The following MACIR variants were observed in gnomAD, a reference collection of about 807,000 sequenced individuals.
The protein encoded by MACIR is macrophage immunometabolism regulator.
A neutral mutation model predicts 14.3 loss-of-function variants in MACIR; 4 were observed. The observed-to-expected ratio is 0.28, with a 90% confidence interval of 0.14 to 0.64. The LOEUF is 0.64. Ranked by LOEUF, MACIR falls within the 30% of genes least tolerant of loss-of-function variation. The pLI, the probability that MACIR is intolerant of heterozygous loss-of-function variation, is 0.83. For missense variants in MACIR, 228 were observed against 257.6 expected (o/e 0.89, Z 0.79); for synonymous variants, 101 against 102.4 (o/e 0.99, Z 0.08).
upstream of MACIR, chr5:103,258,597 G>C (rs1021107473): frequency 1.3e-5 from 2 of 152,380 alleles, no homozygotes; most frequent in Non-Finnish European, 2.9e-5. Flanking sequence ...CCCTTCCTCC[G>C]GGTGTCTGAG....
chr5:103,266,457 C>T (rs1431462622), intron 2 of MACIR, among the ~76,000 whole-genome samples: 1 of 152,148 alleles, frequency 6.6e-6, no homozygotes, highest in African/African-American at 2.4e-5. Flanking sequence ...CTTAGTCGTA[C>T]AGCAGTTCAC....
chr5:103,262,053 G>T (rs1414476228), intron 1 of MACIR, among the ~76,000 whole-genome samples: 3 of 151,990 alleles, frequency 2.0e-5, no homozygotes, highest in African/African-American at 7.3e-5. Flanking sequence ...ATTTTGTATG[G>T]ACATAAACAT....
At chr5:103,268,229 A>C (rs1049811676) in intron 2 of MACIR, among the ~76,000 whole-genome samples, 1 of 152,104 alleles carries the variant, frequency 6.6e-6, no homozygotes, top group Non-Finnish European at 1.5e-5. Flanking sequence ...TTTAATGAAC[A>C]TTTATTCAAT....
intron 1 of MACIR, among the ~76,000 whole-genome samples, chr5:103,264,118 T>G (rs922487332): frequency 1.3e-5 from 2 of 152,130 alleles, no homozygotes; most frequent in East Asian, 3.8e-4. Flanking sequence ...TTGATATACA[T>G]TTTGCGGGAT....
At chr5:103,269,899 TTC>T (rs367786822) in intron 2 of MACIR, among the ~76,000 whole-genome samples, 222 of 152,276 alleles carry the variant, frequency 1.5e-3, no homozygotes, top group African/African-American at 5.2e-3. Context: ...AATGTTATCT[TTC>T]CTTTTTTGAA....
intron 1 of MACIR, among the ~76,000 whole-genome samples, chr5:103,260,263 TGTTA>T (rs1194719598): frequency 6.6e-6 from 1 of 152,026 alleles, no homozygotes; most frequent in Non-Finnish European, 1.5e-5. Context: ...AATTTAGGGT[TGTTA>T]GTTGTTTTAT....
intron 2 of MACIR, among the ~76,000 whole-genome samples, chr5:103,268,624 A>C (rs932781099): frequency 2.0e-5 from 3 of 152,194 alleles, no homozygotes; most frequent in Non-Finnish European, 4.4e-5. Flanking sequence ...TCACCTGGGA[A>C]TCTTTTACAA....
intron 1 of MACIR, among the ~76,000 whole-genome samples, chr5:103,263,306 T>C (rs1036443065): frequency 6.6e-6 from 1 of 151,678 alleles, no homozygotes; most frequent in Non-Finnish European, 1.5e-5. Flanking sequence ...AAAGTGAGAA[T>C]GTAATGGAGC....
In MACIR at chr5:103,269,114, G is replaced by A. The variant is rs577960397; in HGVS notation, c.-24+3117G>A. Among the ~76,000 whole-genome samples the A allele has an allele frequency of 6.6e-5, 10 of 152,110 alleles. No individual in the cohort carries two copies. In the South Asian group the frequency reaches 2.1e-3, roughly 32 times the overall value. On this transcript the variant is annotated intron_variant, in intron 2 of 2. Transcript: ENST00000319933. The stretch of plus-strand genomic sequence containing the variant: ...TCCCAGCTACTTGGGAGGCTGACGT[G>A]GGAGGATCGCTTGAGACCAGGAGTT...
intron 2 of MACIR, among the ~76,000 whole-genome samples, chr5:103,271,702 A>G (rs1223343278): frequency 6.6e-6 from 1 of 152,054 alleles, no homozygotes; most frequent in Non-Finnish European, 1.5e-5. Flanking sequence ...CATTTGAAAA[A>G]TTGTATTGTT....
chr5:103,269,244 A>C (rs1213360017), intron 2 of MACIR, among the ~76,000 whole-genome samples: 5 of 152,094 alleles, frequency 3.3e-5, no homozygotes, highest in African/African-American at 7.2e-5. Flanking sequence ...ACACAAAAAT[A>C]GGTGGCTCTA....
chr5:103,268,202 G>A (rs182123238), intron 2 of MACIR, among the ~76,000 whole-genome samples: 103 of 152,254 alleles, frequency 6.8e-4, no homozygotes, highest in Middle Eastern at 3.4e-3. Flanking sequence ...ATATCTATGA[G>A]TATGGTGGCT....
chr5:103,273,231 T>A (rs1185467179), intron 2 of MACIR, among the ~76,000 whole-genome samples: 3 of 152,200 alleles, frequency 2.0e-5, no homozygotes, highest in African/African-American at 7.2e-5. Flanking sequence ...TGGTTGAAAT[T>A]TCCAGAGCTC....
At chr5:103,267,627 T>A (rs574801289) in intron 2 of MACIR, among the ~76,000 whole-genome samples, 1 of 152,354 alleles carries the variant, frequency 6.6e-6, no homozygotes, top group East Asian at 1.9e-4. Flanking sequence ...AGATTCCTTT[T>A]GATTCCAAAA....
At chr5:103,269,288 T>C (rs1422928862) in intron 2 of MACIR, among the ~76,000 whole-genome samples, 1 of 152,180 alleles carries the variant, frequency 6.6e-6, no homozygotes, top group African/African-American at 2.4e-5. Context: ...GTATTAGCCA[T>C]GCTTAGGAGA....
intron 1 of MACIR, among the ~76,000 whole-genome samples, chr5:103,262,907 T>C (rs1057454766): frequency 3.3e-5 from 5 of 152,218 alleles, no homozygotes; most frequent in African/African-American, 1.2e-4. Context: ...TCTGTTGATA[T>C]CTTTCCAAGC....
At position 103,276,151 on chromosome 5, in the gene MACIR, A is replaced by G. The variant is rs554780011; in HGVS notation, c.232A>G (p.Thr78Ala). The change falls in exon 3 of 3, where the codon ACA becomes GCA. Residue 78 changes from threonine to alanine, a missense_variant. By Grantham distance (58) the Thr-to-Ala change is moderately conservative. Coordinates refer to ENST00000319933, the MANE Select transcript of MACIR (RefSeq NM_033211.4). ...ACTCCTGAAGTTAGCTCAGAAGTGC[A>G]CAGGAGGTGAAGAGAGCAAAGCAGA... is the stretch of plus-strand genomic sequence containing the variant. ...EELLKLAQKC[T>A]GGEESKAEAM... 1 of 1,614,008 alleles carries G rather than the reference A, an allele frequency of 6.2e-7. No homozygotes were observed. The highest frequency in any genetic ancestry group is 1.3e-5 in the African/African-American group (1 of 74,956).
At chr5:103,268,896 G>A (rs1408122547) in intron 2 of MACIR, among the ~76,000 whole-genome samples, 3 of 152,048 alleles carry the variant, frequency 2.0e-5, no homozygotes, top group Admixed American at 6.6e-5. Context: ...TTCCAGGTAG[G>A]TTATGTCCAA....
chr5:103,276,537 A>C lies in MACIR; in HGVS notation c.618A>C (p.Thr206=), dbSNP rs782548300. The change falls in exon 3 of 3, where the codon ACA becomes ACC. Residue 206 remains threonine, a synonymous_variant. Coordinates refer to ENST00000319933, the MANE Select transcript of MACIR (RefSeq NM_033211.4). ...ACCGTGTGTTTGCTAGGAATAATAC[A>C]TGAATGACTTGGAGAGAGCTTAAAC... ...RGDRVFARNN[T] The C allele has an allele frequency of 6.2e-7, 1 of 1,605,884 alleles. No individual in the cohort carries two copies. Among genetic ancestry groups the C allele is most frequent in the South Asian group, 1.1e-5 (1 of 89,922 alleles).
Sources: allele counts gnomAD v4.1 joint callset (sites outside exome capture counted in the v4.1 genomes callset), GRCh38; gene constraint gnomAD v4.1.1; transcripts MANE v1.5; gene names NCBI Gene and HGNC (gene_info 2026-07-23, HGNC 2026-07-21).